Variants in ZNF521 observed in about 807,000 individuals in gnomAD.
ZNF521 encodes the protein zinc finger protein 521.
A neutral mutation model predicts 105.5 loss-of-function variants in ZNF521; 14 were observed. The ratio of observed to expected loss-of-function variants is 0.13; its 90% CI spans 0.09 to 0.21. ZNF521 has a LOEUF of 0.21. ZNF521 is among the 10% of genes least tolerant of loss of function. The pLI is 1.00. For synonymous variants in ZNF521, 635 were observed against 606.0 expected, an observed-to-expected ratio of 1.05 and a Z score of -0.70; for missense variants, 1,233 against 1,629.7, an observed-to-expected ratio of 0.76 and a Z score of 4.19.
chr18:25,328,538 A>G (rs1035789039), intron 2 of ZNF521, among the ~76,000 whole-genome samples: 3 of 150,474 alleles, frequency 2.0e-5, no homozygotes, highest in African/African-American at 7.3e-5. Flanking sequence ...TTCCTCCTTT[A>G]TCTTATTTTT....
chr18:25,080,085 G>A (rs915511404), intron 7 of ZNF521, among the ~76,000 whole-genome samples: 7 of 152,200 alleles, frequency 4.6e-5, no homozygotes, highest in African/African-American at 1.2e-4. Flanking sequence ...CAGGGATCAC[G>A]CAGGAAAGAA....
chr18:25,227,030 G>A lies in ZNF521; in HGVS notation c.888C>T (p.Leu296=), dbSNP rs768284647. The A allele has an allele frequency of 2.5e-6, 4 of 1,614,196 alleles. No individual in the cohort carries two copies. The South Asian group carries it at 4.4e-5, about 18-fold the overall frequency. Residue 296 remains leucine, a synonymous_variant, in exon 4 of 8, where the codon CTC becomes CTT. Transcript: ENST00000361524. This position sits in a 1 kb window ranked among gnomAD's most constrained non-coding sequence, Gnocchi z 5.7. The part of the protein sequence containing the change: ...CHELFVEETS[L]MNHMEQVHSG... ...TATGCACCTGCTCCATGTGGTTCAT[G>A]AGGGAGGTCTCCTCTACGAAGAGCT...
At chr18:25,214,570 C>T (rs139622747) in intron 4 of ZNF521, among the ~76,000 whole-genome samples, 6 of 152,140 alleles carry the variant, frequency 3.9e-5, no homozygotes, top group Non-Finnish European at 8.8e-5. Context: ...AGTTATATCT[C>T]GAAACTTTTG....
intron 4 of ZNF521, chr18:25,201,309 T>C (rs1382015278): frequency 6.6e-6 from 1 of 152,206 alleles, no homozygotes; most frequent in African/African-American, 2.4e-5. Context: ...TCAACAGAAT[T>C]ACTTTTTCCC....
chr18:25,092,143 G>C (rs939821762), intron 5 of ZNF521, 62 bp from the exon 6 acceptor site: 5 of 1,589,910 alleles, frequency 3.1e-6, no homozygotes, highest in Non-Finnish European at 4.3e-6. Flanking sequence ...ATACACTAGA[G>C]AGTTATCTTT....
intron 2 of ZNF521, among the ~76,000 whole-genome samples, chr18:25,338,501 C>T (rs913688652): frequency 6.6e-6 from 1 of 151,984 alleles, no homozygotes; most frequent in African/African-American, 2.4e-5. Context: ...CAACCTCCAC[C>T]TCCCAGGCTC....
chr18:25,331,013 C>T (rs1303837273), intron 2 of ZNF521, among the ~76,000 whole-genome samples: 2 of 152,172 alleles, frequency 1.3e-5, no homozygotes, highest in East Asian at 3.8e-4. Flanking sequence ...CTTTTTGTAA[C>T]CGTGTTGTTT....
chr18:25,189,093 C>T (rs2035775569), intron 5 of ZNF521, among the ~76,000 whole-genome samples: 1 of 152,156 alleles, frequency 6.6e-6, no homozygotes, highest in Non-Finnish European at 1.5e-5. Context: ...GACTTTATCC[C>T]AGGTTCCTTA....
intron 5 of ZNF521, among the ~76,000 whole-genome samples, chr18:25,110,375 A>G (rs1440301842): frequency 6.6e-6 from 1 of 151,730 alleles, no homozygotes; most frequent in African/African-American, 2.4e-5. Flanking sequence ...CCAAAATCCC[A>G]AAAGTGTGGG....
At chr18:25,180,051 T>C (rs2035604441) in intron 5 of ZNF521, among the ~76,000 whole-genome samples, 1 of 152,214 alleles carries the variant, frequency 6.6e-6, no homozygotes, top group Non-Finnish European at 1.5e-5. Context: ...AAGGTACAGA[T>C]TATGTAAAAC....
At chr18:25,094,007 T>C (rs749075709) in intron 5 of ZNF521, among the ~76,000 whole-genome samples, 1 of 152,200 alleles carries the variant, frequency 6.6e-6, no homozygotes, top group African/African-American at 2.4e-5. Flanking sequence ...ACCTTTATTT[T>C]GAATAGTAAG....
chr18:25,344,585 A>T (rs920983140), intron 2 of ZNF521, among the ~76,000 whole-genome samples: 3 of 152,214 alleles, frequency 2.0e-5, no homozygotes, highest in Non-Finnish European at 4.4e-5. Flanking sequence ...CTTTGACAGC[A>T]CAACAGGAGT....
At position 25,306,265 on chromosome 18, in the gene ZNF521, G is replaced by A. The variant is rs1025166891; in HGVS notation, c.220+15743C>T. On this transcript the variant is annotated intron_variant, in intron 3 of 7. Coordinates refer to ENST00000361524, the MANE Select transcript of ZNF521 (RefSeq NM_015461.3). ...ATGGAATTTTTAATTAAAATAATAC[G>A]AAGGGAGATGATGGGAAACTGCAAG... Among the ~76,000 whole-genome samples, 5 of 152,008 alleles carry A rather than the reference G, an allele frequency of 3.3e-5. No individual in the cohort carries two copies. In the South Asian group the frequency reaches 6.2e-4, roughly 19 times the overall value.
intron 4 of ZNF521, among the ~76,000 whole-genome samples, chr18:25,200,672 T>G (rs965484576): frequency 6.6e-6 from 1 of 152,154 alleles, no homozygotes; most frequent in Non-Finnish European, 1.5e-5. Context: ...TGTCTTCTTA[T>G]GTTCTAATCT....
At chr18:25,304,227 A>T (rs1911839176) in intron 3 of ZNF521, among the ~76,000 whole-genome samples, 1 of 152,250 alleles carries the variant, frequency 6.6e-6, no homozygotes, top group Admixed American at 6.5e-5. Context: ...TATCAAATAC[A>T]GTCTCTTTGA....
intron 3 of ZNF521, among the ~76,000 whole-genome samples, chr18:25,289,761 G>A (rs557849519): frequency 3.3e-5 from 5 of 152,238 alleles, no homozygotes; most frequent in South Asian, 2.1e-4. Context: ...CTGAGTAAAC[G>A]AAACATAAAG....
Position 25,227,537 on chromosome 18 carries a change from A to T in ZNF521, c.381T>A (p.Phe127Leu). 1 of 1,614,134 alleles carries T rather than the reference A, an allele frequency of 6.2e-7. No individual in the cohort carries two copies. The highest frequency in any genetic ancestry group is 8.5e-7 in the Non-Finnish European group (1 of 1,180,004). The change falls in exon 4 of 8, where the codon TTT becomes TTA. Residue 127 changes from phenylalanine (F) to leucine (L), a missense_variant. This residue lies in a region of ZNF521 where 85 missense variants were observed against 162.2 expected (regional missense o/e 0.52). Transcript: ENST00000361524. This position sits in a 1 kb window ranked among gnomAD's most constrained non-coding sequence, Gnocchi z 5.7. Reference sequence around the variant, plus strand: ...GGTGCTTTAGGTAGCTGAGGCGGCTAAACGACTTGTCACAGAATTGACACG... The same window carrying T: ...GGTGCTTTAGGTAGCTGAGGCGGCTTAACGACTTGTCACAGAATTGACACG... ...PYPCQFCDKSFSRLSYLKHHE... is the reference protein window; with the variant it reads ...PYPCQFCDKSLSRLSYLKHHE...
At chr18:25,229,679 T>C (rs2144750770) in intron 3 of ZNF521, among the ~76,000 whole-genome samples, 1 of 152,346 alleles carries the variant, frequency 6.6e-6, no homozygotes, top group East Asian at 1.9e-4. Flanking sequence ...AAAGGCCATC[T>C]ATTAAATGTA....
chr18:25,265,639 G>A (rs1466431887), intron 3 of ZNF521, among the ~76,000 whole-genome samples: 1 of 152,138 alleles, frequency 6.6e-6, no homozygotes, highest in Non-Finnish European at 1.5e-5. Context: ...GAACAGTTTG[G>A]AGGTTCCTCA....
Sources: allele counts gnomAD v4.1 joint callset (sites outside exome capture counted in the v4.1 genomes callset), GRCh38; gene constraint gnomAD v4.1.1; regional missense constraint gnomAD v4.1.1; non-coding constraint Gnocchi (gnomAD v3.1); transcripts MANE v1.5; gene names NCBI Gene and HGNC (gene_info 2026-07-23, HGNC 2026-07-21).